The following APLP2 variants were observed in gnomAD, a reference collection of about 807,000 sequenced individuals.
APLP2 encodes the protein amyloid beta precursor like protein 2.
A neutral mutation model predicts 89.9 loss-of-function variants in APLP2; 53 were observed. The ratio of observed to expected loss-of-function variants is 0.59; its 90% CI spans 0.47 to 0.74. The LOEUF (loss-of-function observed/expected upper bound fraction) is 0.74, where lower values mean the gene tolerates loss of function less well. APLP2 is among the 30% of genes least tolerant of loss of function. APLP2 has a pLI of 0.00. For synonymous variants in APLP2, 372 were observed against 348.6 expected (o/e 1.07, Z -0.75); for missense variants, 973 against 975.9 (o/e 1.00, Z 0.04).
chr11:130,136,266 C>T (rs1348180870), intron 13 of APLP2, among the ~76,000 whole-genome samples: 2 of 152,154 alleles, frequency 1.3e-5, no homozygotes, highest in Admixed American at 1.3e-4. Context: ...GAGACCAGTG[C>T]CCTGAGAGCC....
chr11:130,121,745 GGAAGAGGAAGAT>G lies in APLP2; in HGVS notation c.660_671del (p.Asp220_Glu223del), dbSNP rs778627183. Reference sequence around the variant, plus strand: ...TTATTGGATCTGTGTCAAAAGAAGAGGAAGAGGAAGATGAAGAGGAAGAGGAAGAGGAAGATG... The same window carrying G: ...TTATTGGATCTGTGTCAAAAGAAGAGGAAGAGGAAGAGGAAGAGGAAGATG... On this transcript the variant is annotated inframe_deletion, in exon 5 of 17. Coordinates refer to ENST00000338167, the MANE Select transcript of APLP2 (RefSeq NM_001142276.2). 182 of 1,610,468 alleles carry G rather than the reference GGAAGAGGAAGAT, an allele frequency of 1.1e-4. No homozygotes were observed. The Middle Eastern group carries it at 1.2e-3, about 10-fold the overall frequency.
chr11:130,076,850 G>GGCAT (rs1304508397), intron 1 of APLP2, among the ~76,000 whole-genome samples: 1 of 152,208 alleles, frequency 6.6e-6, no homozygotes, highest in Non-Finnish European at 1.5e-5. Flanking sequence ...TCACTGGATA[G>GGCAT]AAGTGTATCA....
chr11:130,109,645 G>T, intron 2 of APLP2, 43 bp downstream of exon 2: 3 of 1,576,238 alleles, frequency 1.9e-6, no homozygotes, highest in Non-Finnish European at 1.7e-6. Flanking sequence ...TTTTTCTGGG[G>T]CAGGGTTGAA....
intron 1 of APLP2, among the ~76,000 whole-genome samples, chr11:130,080,110 G>C (rs1942900358): frequency 6.6e-6 from 1 of 152,168 alleles, no homozygotes; most frequent in Non-Finnish European, 1.5e-5. Flanking sequence ...GCTAATAAGT[G>C]AGTTTGACCT....
intron 1 of APLP2, among the ~76,000 whole-genome samples, chr11:130,085,575 A>G (rs1400177471): frequency 6.6e-6 from 1 of 152,266 alleles, no homozygotes; most frequent in Non-Finnish European, 1.5e-5. Context: ...AATCCTTCTC[A>G]TAGTCTTCCA....
chr11:130,074,885 G>T (rs1210559230), intron 1 of APLP2, among the ~76,000 whole-genome samples: 1 of 152,204 alleles, frequency 6.6e-6, no homozygotes. Flanking sequence ...TACAGTAATT[G>T]TAGTTTCCAT....
At chr11:130,130,774 C>T (rs1437615914) in intron 11 of APLP2, among the ~76,000 whole-genome samples, 8 of 152,236 alleles carry the variant, frequency 5.3e-5, no homozygotes, top group Non-Finnish European at 8.8e-5. Context: ...ACTTGATTTC[C>T]TCTCATATTG....
At chr11:130,102,658 A>G (rs1215655678) in intron 1 of APLP2, among the ~76,000 whole-genome samples, 1 of 152,228 alleles carries the variant, frequency 6.6e-6, no homozygotes, top group Non-Finnish European at 1.5e-5. Flanking sequence ...GTAGGCTTAG[A>G]TGAGCCCAGG....
At chr11:130,090,870 G>T (rs867342058) in intron 1 of APLP2, among the ~76,000 whole-genome samples, 20 of 150,328 alleles carry the variant, frequency 1.3e-4, no homozygotes, top group South Asian at 4.2e-4. Flanking sequence ...CCTCCCGGAC[G>T]GGGCGGTTGG....
At chr11:130,135,048 G>A (rs1054206020) in intron 12 of APLP2, among the ~76,000 whole-genome samples, 2 of 152,214 alleles carry the variant, frequency 1.3e-5, no homozygotes, top group East Asian at 1.9e-4. Context: ...AACTGGCGTC[G>A]GGGAGAAGTA....
rs959414642 is a variant in APLP2 at position 130,123,883 on chromosome 11, C to T, written c.1090+104C>T. ...CATCTGTGTGGTGTCCCTGCCCACT[C>T]GGGTGTTTGCTGTCGGTCGTCTTCC... On this transcript the variant is annotated intron_variant, in intron 7 of 16. Coordinates refer to ENST00000338167, the MANE Select transcript of APLP2 (RefSeq NM_001142276.2). This position sits in a 1 kb window ranked among gnomAD's most constrained non-coding sequence, Gnocchi z 4.0. 1.7e-5 allele frequency: 22 copies of T among 1,298,776 alleles called. No homozygotes were observed. The highest frequency in any genetic ancestry group is 4.4e-5 in the African/African-American group (3 of 67,760). 80.5% of individuals were successfully genotyped at this position (1,298,776 alleles called of 1,614,324 possible). A position where few individuals can be genotyped will look rare whatever the true frequency, so the allele number is the denominator to read the frequency against.
chr11:130,125,047 C>G (rs977670975), intron 7 of APLP2, among the ~76,000 whole-genome samples: 31 of 152,268 alleles, frequency 2.0e-4, no homozygotes, highest in African/African-American at 7.2e-4. Context: ...AGATTTGCCT[C>G]GGAGAAGCTT....
intron 3 of APLP2, among the ~76,000 whole-genome samples, chr11:130,114,056 C>T (rs1305268808): frequency 6.6e-6 from 1 of 152,152 alleles, no homozygotes; most frequent in Non-Finnish European, 1.5e-5. Flanking sequence ...AGGAAATTCT[C>T]CTACGTAACC....
At chr11:130,103,916 T>G (rs1211295404) in intron 1 of APLP2, among the ~76,000 whole-genome samples, 1 of 152,172 alleles carries the variant, frequency 6.6e-6, no homozygotes, top group East Asian at 1.9e-4. Context: ...CAGACTTAAC[T>G]ATAGGAGTTC....
rs534997788 is a variant in APLP2 at position 130,131,492 on chromosome 11, G to A, written c.1584+1326G>A. Among the ~76,000 whole-genome samples, 116 of 152,264 alleles carry A rather than the reference G, an allele frequency of 7.6e-4. 1 individual carries two copies. Among genetic ancestry groups the A allele is most frequent in the African/African-American group, 2.6e-3 (110 of 41,558 alleles). ...CAGGCTTCTAAAGAGTGGGAAGAACGTGGAAAGGGGCTGGGTTGGAGACCC... is the reference window on the plus strand; with the variant it reads ...CAGGCTTCTAAAGAGTGGGAAGAACATGGAAAGGGGCTGGGTTGGAGACCC... On this transcript the variant is annotated intron_variant, in intron 11 of 16. Transcript: ENST00000338167.
At chr11:130,126,469 C>T (rs916761123) in intron 7 of APLP2, among the ~76,000 whole-genome samples, 2 of 152,204 alleles carry the variant, frequency 1.3e-5, no homozygotes, top group Admixed American at 6.5e-5. Context: ...GGTGCTGAAG[C>T]TGCCAATAAA....
chr11:130,104,450 C>T (rs1423093290), intron 1 of APLP2, among the ~76,000 whole-genome samples: 1 of 151,992 alleles, frequency 6.6e-6, no homozygotes, highest in African/African-American at 2.4e-5. Context: ...AGCTCCTGAC[C>T]TCAGATATCC....
chr11:130,083,910 T>G (rs1244292103), intron 1 of APLP2, among the ~76,000 whole-genome samples: 2 of 152,182 alleles, frequency 1.3e-5, no homozygotes, highest in African/African-American at 4.8e-5. Context: ...CATACTATTT[T>G]CTATAGTGGC....
rs1049847816 is a variant in APLP2 at position 130,141,374 on chromosome 11, A to G, written c.1924-124A>G. The G allele has an allele frequency of 2.6e-6, 2 of 755,502 alleles. No individual in the cohort carries two copies. The highest frequency in any genetic ancestry group is 2.3e-6 in the Non-Finnish European group (1 of 439,758). The allele number at this position is 755,502 out of a possible 1,614,324, so 46.8% of individuals were successfully genotyped here. ...AGGCTGTGACAGAACTGGTTGGTTAATGGGGGTCCCACAGGTACCTGCTTC... is the reference window on the plus strand; with the variant it reads ...AGGCTGTGACAGAACTGGTTGGTTAGTGGGGGTCCCACAGGTACCTGCTTC... On this transcript the variant is annotated intron_variant, in intron 14 of 16. Transcript: ENST00000338167. This position sits in a 1 kb window ranked among gnomAD's most constrained non-coding sequence, Gnocchi z 4.2.
Sources: gnomAD v4.1 joint callset for allele counts (sites outside exome capture counted in the v4.1 genomes callset) on GRCh38, gnomAD v4.1.1 for gene constraint, Gnocchi (gnomAD v3.1) non-coding constraint, MANE v1.5 for transcripts, NCBI Gene and HGNC (gene_info 2026-07-23, HGNC 2026-07-21) for gene names.